The following DCC variants were observed in gnomAD, a reference collection of about 807,000 sequenced individuals.
DCC encodes the protein DCC netrin 1 receptor.
In DCC, 58 loss-of-function variants were observed where a neutral mutation model predicts 172.5. The ratio of observed to expected loss-of-function variants is 0.34; its 90% CI spans 0.27 to 0.42. The LOEUF is 0.42. DCC is among the 10% of genes least tolerant of loss of function. The pLI, the probability that DCC is intolerant of heterozygous loss-of-function variation, is 1.00. For missense variants in DCC, 1,740 were observed against 1,791.0 expected (o/e 0.97, Z 0.51); for synonymous variants, 709 against 644.5 (o/e 1.10, Z -1.52).
intron 27 of DCC, among the ~76,000 whole-genome samples, chr18:53,519,493 C>G (rs932477270): frequency 1.3e-5 from 2 of 151,532 alleles, no homozygotes; most frequent in Non-Finnish European, 2.9e-5. Context: ...TAGCTCCCAC[C>G]CAGCCTTGAG....
chr18:53,477,101 C>T (rs556273552), intron 25 of DCC, among the ~76,000 whole-genome samples: 8 of 152,290 alleles, frequency 5.3e-5, no homozygotes, highest in South Asian at 4.1e-4. Flanking sequence ...CTCCACCTCA[C>T]GGGCTCAAGC....
intron 5 of DCC, among the ~76,000 whole-genome samples, chr18:53,060,400 T>C (rs1427789874): frequency 6.6e-6 from 1 of 152,142 alleles, no homozygotes; most frequent in Non-Finnish European, 1.5e-5. Context: ...AAGTTATTTT[T>C]TCCCTTGCCT....
chr18:53,375,235 C>T (rs1286415605), intron 15 of DCC, among the ~76,000 whole-genome samples: 2 of 133,680 alleles, frequency 1.5e-5, no homozygotes, highest in East Asian at 3.9e-4. Flanking sequence ...CTCTCTGTAT[C>T]TTTATCTTTA....
intron 5 of DCC, among the ~76,000 whole-genome samples, chr18:53,033,683 C>T (rs1365862479): frequency 6.6e-6 from 1 of 152,084 alleles, no homozygotes; most frequent in Non-Finnish European, 1.5e-5. Flanking sequence ...CATTCTCAAC[C>T]ACATACAAAT....
At chr18:52,895,471 G>A (rs929173911) in intron 2 of DCC, among the ~76,000 whole-genome samples, 4 of 152,076 alleles carry the variant, frequency 2.6e-5, no homozygotes, top group African/African-American at 9.7e-5. Context: ...AAATTTCACT[G>A]AATATAATGC....
chr18:53,115,980 G>A (rs756899827), intron 7 of DCC, among the ~76,000 whole-genome samples: 7 of 151,540 alleles, frequency 4.6e-5, no homozygotes, highest in Non-Finnish European at 1.0e-4. Flanking sequence ...TGAGGGGGGT[G>A]CTGTGGGGAA....
chr18:52,667,963 A>G (rs2035484257), intron 1 of DCC, among the ~76,000 whole-genome samples: 2 of 152,266 alleles, frequency 1.3e-5, no homozygotes, highest in South Asian at 4.1e-4. Flanking sequence ...CATGTCAGCT[A>G]TTAAACACAT....
chr18:53,239,596 T>G (rs1198477418), intron 12 of DCC, among the ~76,000 whole-genome samples: 2 of 152,118 alleles, frequency 1.3e-5, no homozygotes, highest in Admixed American at 6.6e-5. Flanking sequence ...GCCCTTTGAT[T>G]GGTGTTTTTG....
At chr18:53,018,338 T>A (rs2041836024) in intron 5 of DCC, among the ~76,000 whole-genome samples, 1 of 152,176 alleles carries the variant, frequency 6.6e-6, no homozygotes, top group South Asian at 2.1e-4. Flanking sequence ...TTACCTAAAT[T>A]CTGAATATAA....
chr18:53,462,258 G>A (rs1204072874), intron 24 of DCC, among the ~76,000 whole-genome samples: 1 of 152,116 alleles, frequency 6.6e-6, no homozygotes, highest in Non-Finnish European at 1.5e-5. Context: ...ACAGCAGGAG[G>A]TGAGCAACGG....
intron 10 of DCC, among the ~76,000 whole-genome samples, chr18:53,206,340 T>TAC (rs1568364973): frequency 1.9e-5 from 1 of 51,424 alleles, no homozygotes; most frequent in Admixed American, 2.4e-4. Flanking sequence ...CACATATATG[T>TAC]ATATATGTAT....
intron 5 of DCC, among the ~76,000 whole-genome samples, chr18:52,929,717 C>T (rs1226171253): frequency 6.6e-6 from 1 of 151,686 alleles, no homozygotes; most frequent in Non-Finnish European, 1.5e-5. Flanking sequence ...TAAAAGTTGA[C>T]ATGTTTATGG....
chr18:52,559,232 C>A (rs2032984146), intron 1 of DCC, among the ~76,000 whole-genome samples: 1 of 152,178 alleles, frequency 6.6e-6, no homozygotes, highest in African/African-American at 2.4e-5. Flanking sequence ...CTGCCTCAAC[C>A]TCCCGAGTAG....
Position 52,630,427 on chromosome 18 carries a change from T to C in DCC, c.92-121627T>C, listed in dbSNP as rs538506864. On this transcript the variant is annotated intron_variant, in intron 1 of 28. Coordinates refer to ENST00000442544, the MANE Select transcript of DCC (RefSeq NM_005215.4). ...CTATCTTAAGCATCTGACTTCATTT[T>C]ACTGAGTGTCTGTTTCCTTATTCGT... is the stretch of plus-strand genomic sequence containing the variant. Among the ~76,000 whole-genome samples, 4 of 152,360 alleles carry C rather than the reference T, an allele frequency of 2.6e-5. No individual in the cohort carries two copies. The South Asian group carries it at 8.3e-4, about 32-fold the overall frequency.
chr18:53,344,896 A>AAG lies in DCC; in HGVS notation c.2359+4990_2359+4991insGA, dbSNP rs2057705792. On this transcript the variant is annotated intron_variant, in intron 15 of 28. Coordinates refer to ENST00000442544, the MANE Select transcript of DCC (RefSeq NM_005215.4). ...CAAGACTCTGTCTTGGAAAAAAAAAAAAAAGGAAAGAAAAGAAAAGAAATA... is the reference window on the plus strand; with the variant it reads ...CAAGACTCTGTCTTGGAAAAAAAAAAAGAAAAGGAAAGAAAAGAAAAGAAATA... Among the ~76,000 whole-genome samples the AAG allele has an allele frequency of 1.3e-5, 2 of 151,182 alleles. 1 individual carries two copies. The highest frequency in any genetic ancestry group is 4.2e-4 in the South Asian group (2 of 4,808).
Position 53,084,417 on chromosome 18 carries a change from A to G in DCC, c.1261+18251A>G, listed in dbSNP as rs191103021. ...GATTAAACTTCAGCATGAGTTTTGGAGGAAATAAATATTAAATACACTGCA... is the reference window on the plus strand; with the variant it reads ...GATTAAACTTCAGCATGAGTTTTGGGGGAAATAAATATTAAATACACTGCA... On this transcript the variant is annotated intron_variant, in intron 7 of 28. Transcript: ENST00000442544. 5.6e-3 allele frequency among the ~76,000 whole-genome samples: 850 copies of G among 152,318 alleles called. 6 individuals are homozygous for G. The highest frequency in any genetic ancestry group is 0.023 in the Admixed American group (346 of 15,298).
At chr18:52,681,448 G>C (rs550530387) in intron 1 of DCC, among the ~76,000 whole-genome samples, 50 of 152,198 alleles carry the variant, frequency 3.3e-4, no homozygotes, top group African/African-American at 1.0e-3. Context: ...ATTGACAAGA[G>C]TGAAATTTCT....
At chr18:52,376,066 A>G (rs1452182442) in intron 1 of DCC, among the ~76,000 whole-genome samples, 1 of 152,176 alleles carries the variant, frequency 6.6e-6, no homozygotes, top group Non-Finnish European at 1.5e-5. Context: ...ATTTGGGGAA[A>G]GTTCTCTTTC....
chr18:52,701,682 G>A (rs1366702720), intron 1 of DCC, among the ~76,000 whole-genome samples: 1 of 148,056 alleles, frequency 6.8e-6, no homozygotes, highest in East Asian at 2.0e-4. Flanking sequence ...TATCTACCAT[G>A]AGGCACAGAA....
Sources: gnomAD v4.1 joint callset for allele counts (sites outside exome capture counted in the v4.1 genomes callset) on GRCh38, gnomAD v4.1.1 for gene constraint, MANE v1.5 for transcripts, NCBI Gene and HGNC (gene_info 2026-07-23, HGNC 2026-07-21) for gene names.